Variants in PRDM16 observed in about 807,000 individuals in gnomAD.
The protein encoded by PRDM16 is histone-lysine N-methyltransferase PRDM16.
A neutral mutation model predicts 110.6 loss-of-function variants in PRDM16; 23 were observed. The observed-to-expected ratio is 0.21, with a 90% CI of 0.15 to 0.29. PRDM16 has a LOEUF of 0.29. Among genes scored for constraint, PRDM16 ranks in the 10% least tolerant of loss-of-function variants. PRDM16 has a pLI of 1.00. For synonymous variants in PRDM16, 799 were observed against 781.8 expected, an observed-to-expected ratio of 1.02 and a Z score of -0.37; for missense variants, 1,615 against 1,794.3, an observed-to-expected ratio of 0.90 and a Z score of 1.81.
intron 3 of PRDM16, among the ~76,000 whole-genome samples, chr1:3,269,920 G>A (rs924760641): frequency 1.3e-5 from 2 of 151,444 alleles, no homozygotes; most frequent in Admixed American, 6.6e-5. Flanking sequence ...CAGTCCAGGA[G>A]GAGGACAATC....
intron 3 of PRDM16, among the ~76,000 whole-genome samples, chr1:3,306,146 G>A (rs1454192757): frequency 6.6e-6 from 1 of 152,188 alleles, no homozygotes; most frequent in Non-Finnish European, 1.5e-5. Flanking sequence ...GTACTCACTG[G>A]GGGAGTTAGC....
rs141709050 is a variant in PRDM16, at chr1:3,156,945, C to T, written c.38-29180C>T. 8.5e-5 allele frequency among the ~76,000 whole-genome samples: 13 copies of T among 152,306 alleles called. 1 individual carries two copies. In the South Asian group the frequency reaches 1.0e-3, roughly 12 times the overall value. On this transcript the variant is annotated intron_variant, in intron 1 of 16. Coordinates refer to ENST00000270722, the MANE Select transcript of PRDM16 (RefSeq NM_022114.4). The stretch of plus-strand genomic sequence containing the variant: ...TCGGTGGGGACACGGGGTCTCCCAG[C>T]GTGTCAGGACGGAGGGTGCTGTAGG...
At chr1:3,411,361 C>T (rs1291664936) in intron 8 of PRDM16, 23 bp from the exon 9 acceptor site, 1 of 1,589,016 alleles carries the variant, frequency 6.3e-7, no homozygotes, top group Admixed American at 1.7e-5. Context: ...GCGGGTTTGT[C>T]TTGGCTTCTG....
At position 3,201,778 on chromosome 1, in the gene PRDM16, C is replaced by T. The variant is rs1480471903; in HGVS notation, c.387+15304C>T. On this transcript the variant is annotated intron_variant, in intron 2 of 16. Coordinates refer to ENST00000270722, the MANE Select transcript of PRDM16 (RefSeq NM_022114.4). This position sits in a 1 kb window ranked among gnomAD's most constrained non-coding sequence, Gnocchi z 4.1. ...TGTCTGCCCCGCTTCCACGCGAGCC[C>T]TCTCCCACCTGGCCTCTGTTTCTAC... Among the ~76,000 whole-genome samples, 1 of 152,200 alleles carries T rather than the reference C, an allele frequency of 6.6e-6. No homozygotes were observed. The highest frequency in any genetic ancestry group is 2.4e-5 in the African/African-American group (1 of 41,454).
intron 1 of PRDM16, among the ~76,000 whole-genome samples, chr1:3,107,061 A>G (rs1378827578): frequency 6.6e-6 from 1 of 152,232 alleles, no homozygotes; most frequent in Non-Finnish European, 1.5e-5. Context: ...TGGCAAGAGC[A>G]GCTCACACCT....
intron 2 of PRDM16, among the ~76,000 whole-genome samples, chr1:3,212,775 C>T (rs367764698): frequency 3.2e-4 from 48 of 152,340 alleles, no homozygotes; most frequent in Non-Finnish European, 5.4e-4. Context: ...CCTGCATTTC[C>T]GCCGCTACCT....
At chr1:3,396,400 G>A (rs547257276) in intron 4 of PRDM16, 91 bp from the exon 5 acceptor site, 32 of 769,608 alleles carry the variant, frequency 4.2e-5, no homozygotes, top group South Asian at 8.8e-5. Context: ...GCCGAGCTGC[G>A]TCCACAGTGT....
chr1:3,303,367 T>C (rs1371352699), intron 3 of PRDM16, among the ~76,000 whole-genome samples: 1 of 152,152 alleles, frequency 6.6e-6, no homozygotes. Context: ...ATAGGGTTTC[T>C]GAGGTTTTGC....
At position 3,339,526 on chromosome 1, in the gene PRDM16, G is replaced by A. The variant is rs1347210776; in HGVS notation, c.439-45626G>A. 1.3e-5 allele frequency among the ~76,000 whole-genome samples: 2 copies of A among 152,056 alleles called. No homozygotes were observed. Among genetic ancestry groups the A allele is most frequent in the Admixed American group, 6.6e-5 (1 of 15,262 alleles). ...AGGCTGGGATTTCAAGAGCAACAAAGCTTTGTTGCCCACCGAGCGATTCAG... is the reference window on the plus strand; with the variant it reads ...AGGCTGGGATTTCAAGAGCAACAAAACTTTGTTGCCCACCGAGCGATTCAG... On this transcript the variant is annotated intron_variant, in intron 3 of 16. Transcript: ENST00000270722. This position sits in a 1 kb window ranked among gnomAD's most constrained non-coding sequence, Gnocchi z 5.0.
intron 1 of PRDM16, among the ~76,000 whole-genome samples, chr1:3,153,894 G>A (rs938444416): frequency 2.6e-5 from 4 of 152,192 alleles, no homozygotes; most frequent in East Asian, 1.9e-4. Context: ...AAATTAATAC[G>A]TGCATATCTA....
chr1:3,429,024 G>T (rs1638694776), intron 14 of PRDM16, among the ~76,000 whole-genome samples: 1 of 152,246 alleles, frequency 6.6e-6, no homozygotes, highest in Non-Finnish European at 1.5e-5. Context: ...TGGCCAAGGA[G>T]GGCCAAGGGT....
rs535774878 is a variant in PRDM16, at chr1:3,390,489, G to A, written c.573+5203G>A. 7.2e-5 allele frequency among the ~76,000 whole-genome samples: 11 copies of A among 152,310 alleles called. No individual in the cohort carries two copies. The South Asian group carries it at 2.1e-3, about 29-fold the overall frequency. On this transcript the variant is annotated intron_variant, in intron 4 of 16. Coordinates refer to ENST00000270722, the MANE Select transcript of PRDM16 (RefSeq NM_022114.4). The surrounding 1 kb of genome is among the most constrained non-coding windows in gnomAD (Gnocchi z 5.0). Reference sequence around the variant, plus strand: ...ACCCCAAAACCCCAGGGCCTTCCAGGGGCAGAGCAGGGGTCCCGGCGCCCG... The same window carrying A: ...ACCCCAAAACCCCAGGGCCTTCCAGAGGCAGAGCAGGGGTCCCGGCGCCCG...
rs560068243 is a variant in PRDM16, at chr1:3,398,387, A to G, written c.676+1794A>G. 4.6e-5 allele frequency among the ~76,000 whole-genome samples: 7 copies of G among 152,300 alleles called. No individual in the cohort carries two copies. In the South Asian group the frequency reaches 1.4e-3, roughly 32 times the overall value. The stretch of plus-strand genomic sequence containing the variant: ...TGACTTTCCCTACTCTTTCCTGTCA[A>G]GATCATGCCTCCCCAATAGCCGCCT... On this transcript the variant is annotated intron_variant, in intron 5 of 16. Transcript: ENST00000270722.
At chr1:3,107,926 G>T (rs1035023223) in intron 1 of PRDM16, among the ~76,000 whole-genome samples, 1 of 152,258 alleles carries the variant, frequency 6.6e-6, no homozygotes, top group African/African-American at 2.4e-5. Flanking sequence ...TAAATGCTGT[G>T]CAACCCCTGC....
chr1:3,157,908 CTTT>C lies in PRDM16; in HGVS notation c.38-28215_38-28213del, dbSNP rs1228203161. ...CCATCTTCCTCCCACTTAAACCTCT[CTTT>C]TGACAGAGGACAGATATATTACGAA... On this transcript the variant is annotated intron_variant, in intron 1 of 16. Coordinates refer to ENST00000270722, the MANE Select transcript of PRDM16 (RefSeq NM_022114.4). The surrounding 1 kb of genome is among the most constrained non-coding windows in gnomAD (Gnocchi z 4.8). 1.3e-5 allele frequency among the ~76,000 whole-genome samples: 2 copies of C among 152,224 alleles called. No homozygotes were observed. Among genetic ancestry groups the C allele is most frequent in the Non-Finnish European group, 2.9e-5 (2 of 68,042 alleles).
At chr1:3,144,631 C>G (rs563320723) in intron 1 of PRDM16, among the ~76,000 whole-genome samples, 1 of 152,316 alleles carries the variant, frequency 6.6e-6, no homozygotes, top group Non-Finnish European at 1.5e-5. Context: ...AGATGGTGCT[C>G]TGTGTGCCCG....
intron 12 of PRDM16, among the ~76,000 whole-genome samples, chr1:3,423,790 C>T (rs997022454): frequency 1.4e-4 from 21 of 152,320 alleles, no homozygotes; most frequent in African/African-American, 4.8e-4. Flanking sequence ...GCTACCAGGC[C>T]CCCCCGGCCA....
chr1:3,409,769 GGTT>G (rs1351408854), intron 8 of PRDM16, among the ~76,000 whole-genome samples: 8 of 147,720 alleles, frequency 5.4e-5, no homozygotes, highest in African/African-American at 1.5e-4. Flanking sequence ...GAGTGTGTGT[GGTT>G]GTGTGTGGGT....
chr1:3,181,048 A>AGTCTTACACGCGGTCTTACACACCCG (rs1557507745), intron 1 of PRDM16, among the ~76,000 whole-genome samples: 5 of 136,466 alleles, frequency 3.7e-5, no homozygotes, highest in Non-Finnish European at 7.8e-5. Flanking sequence ...TTACACACGC[A>AGTCTTACACGCGGTCTTACACACCCG]GTCTTACACG....
Sources: allele counts gnomAD v4.1 joint callset (sites outside exome capture counted in the v4.1 genomes callset), GRCh38; gene constraint gnomAD v4.1.1; non-coding constraint Gnocchi (gnomAD v3.1); transcripts MANE v1.5; gene names NCBI Gene and HGNC (gene_info 2026-07-23, HGNC 2026-07-21).